The following CDC42 variants were observed in gnomAD, a reference collection of about 807,000 sequenced individuals.
CDC42 encodes cell division cycle 42.
CDC42 carries 1 observed loss-of-function variant against 20.8 expected under a neutral mutation model. The observed-to-expected ratio is 0.05, with a 90% confidence interval of 0.02 to 0.23. The LOEUF is 0.23. Ranked by LOEUF, CDC42 falls within the 10% of genes least tolerant of loss-of-function variation. The pLI, the probability that CDC42 is intolerant of heterozygous loss-of-function variation, is 1.00. For missense variants in CDC42, 49 were observed against 227.9 expected (o/e 0.21, Z 5.05); for synonymous variants, 72 against 84.8 (o/e 0.85, Z 0.83).
rs1645752297 is a variant in CDC42, at chr1:22,095,569, A to G, written c.*4052A>G. 6.6e-6 allele frequency among the ~76,000 whole-genome samples: 1 copy of G among 152,212 alleles called. No individual in the cohort carries two copies. Among genetic ancestry groups the G allele is most frequent in the Non-Finnish European group, 1.5e-5 (1 of 68,034 alleles). ...CAGGCGTGAGCCACCGCGCCTGGCC[A>G]GAATGAATACTTTTAATTACTACTA... On this transcript the variant is annotated 3_prime_UTR_variant, in exon 6 of 6. Coordinates refer to ENST00000656825, the MANE Select transcript of CDC42 (RefSeq NM_001791.4).
intron 5 of CDC42, among the ~76,000 whole-genome samples, chr1:22,087,538 A>G (rs1288524730): frequency 2.0e-5 from 3 of 152,168 alleles, no homozygotes; most frequent in Non-Finnish European, 2.9e-5. Context: ...ACTGATGTGT[A>G]TGGTTTAAAC....
At position 22,077,197 on chromosome 1, in the gene CDC42, C is replaced by T. The variant is rs551832021; in HGVS notation, c.-50-1232C>T. 2.1e-4 allele frequency among the ~76,000 whole-genome samples: 32 copies of T among 151,932 alleles called. 1 individual carries two copies. In the South Asian group the frequency reaches 6.7e-3, roughly 32 times the overall value. On this transcript the variant is annotated intron_variant, in intron 1 of 5. Transcript: ENST00000656825. Reference sequence around the variant, plus strand: ...TACTGCAGATAATTTTGATGAGGAGCGGGAGAGTGTATATTTCATGTGAGT... The same window carrying T: ...TACTGCAGATAATTTTGATGAGGAGTGGGAGAGTGTATATTTCATGTGAGT...
At chr1:22,055,635 C>T (rs1399395617) in intron 1 of CDC42, among the ~76,000 whole-genome samples, 1 of 151,890 alleles carries the variant, frequency 6.6e-6, no homozygotes, top group Admixed American at 6.6e-5. Flanking sequence ...GACTACGGTG[C>T]ATGCAACCAG....
intron 1 of CDC42, among the ~76,000 whole-genome samples, chr1:22,067,959 G>A (rs1364722808): frequency 6.6e-6 from 1 of 152,072 alleles, no homozygotes; most frequent in Non-Finnish European, 1.5e-5. Flanking sequence ...TGAGTTGTAA[G>A]GCCAGACACC....
chr1:22,098,370 C>A lies in CDC42; in HGVS notation c.*6853C>A, dbSNP rs1169095183. 6.6e-6 allele frequency among the ~76,000 whole-genome samples: 1 copy of A among 152,086 alleles called. No homozygotes were observed. The highest frequency in any genetic ancestry group is 6.5e-5 in the Admixed American group (1 of 15,274). On this transcript the variant is annotated 3_prime_UTR_variant, in exon 6 of 6. Transcript: ENST00000656825. The stretch of plus-strand genomic sequence containing the variant: ...AAAAAATACTCCTGAGATTCTGAAT[C>A]TGTAAGTATGCAATGGGACCTGAGA...
In CDC42 at chr1:22,090,766, C is replaced by T. The variant is rs1049838723; in HGVS notation, c.487-662C>T. ...GAGGGAAATATACAATTGTGGTTAC[C>T]TTCAAATTTTGAAATTAAAAATATA... On this transcript the variant is annotated intron_variant, in intron 5 of 5. Transcript: ENST00000656825. 25 of 984,912 alleles carry T rather than the reference C, an allele frequency of 2.5e-5. No individual in the cohort carries two copies. In the African/African-American group the frequency reaches 4.2e-4, roughly 17 times the overall value. 61.0% of individuals were successfully genotyped at this position (984,912 alleles called of 1,614,324 possible). A position where few individuals can be genotyped will look rare whatever the true frequency, so the allele number is the denominator to read the frequency against.
chr1:22,088,574 TC>T (rs1645685544), intron 5 of CDC42, among the ~76,000 whole-genome samples: 1 of 152,218 alleles, frequency 6.6e-6, no homozygotes, highest in Admixed American at 6.5e-5. Flanking sequence ...GTTTGTTGAT[TC>T]CTCTAAAACT....
intron 1 of CDC42, among the ~76,000 whole-genome samples, chr1:22,056,951 C>G (rs1645310221): frequency 6.6e-6 from 1 of 152,204 alleles, no homozygotes; most frequent in Non-Finnish European, 1.5e-5. Flanking sequence ...TTTAACCTTG[C>G]ATCCTTTTCT....
At chr1:22,091,299 G>T in intron 5 of CDC42, 129 bp from the exon 6 acceptor site, 1 of 613,380 alleles carries the variant, frequency 1.6e-6, no homozygotes, top group East Asian at 2.8e-5. Flanking sequence ...TTATTGTGTT[G>T]AGATTCAGGG....
At position 22,094,662 on chromosome 1, in the gene CDC42, TTC is replaced by T. The variant is rs1396435787; in HGVS notation, c.*3147_*3148del. Among the ~76,000 whole-genome samples the T allele has an allele frequency of 1.3e-5, 2 of 152,150 alleles. No homozygotes were observed. The highest frequency in any genetic ancestry group is 2.4e-5 in the African/African-American group (1 of 41,436). ...GACTTTATGCCACAAGGGGAGTGTA[TTC>T]TAAAGGGGAAGAAAAGGATTGTGGT... On this transcript the variant is annotated 3_prime_UTR_variant, in exon 6 of 6. Transcript: ENST00000656825.
chr1:22,066,228 G>A (rs991015530), intron 1 of CDC42, among the ~76,000 whole-genome samples: 1 of 152,104 alleles, frequency 6.6e-6, no homozygotes, highest in Non-Finnish European at 1.5e-5. Context: ...AGAGGGGCTG[G>A]GTGAGGTGAG....
intron 1 of CDC42, among the ~76,000 whole-genome samples, chr1:22,059,870 T>C (rs1328360764): frequency 7.6e-6 from 1 of 130,828 alleles, no homozygotes; most frequent in Non-Finnish European, 1.6e-5. Context: ...CCAGATTGAA[T>C]TTATTTCTCT....
chr1:22,054,200 TA>T (rs1464416653), intron 1 of CDC42, among the ~76,000 whole-genome samples: 13 of 152,136 alleles, frequency 8.5e-5, no homozygotes, highest in African/African-American at 3.1e-4. Context: ...TCACAATTTT[TA>T]TTTTTTTTGA....
At chr1:22,087,000 G>A (rs1214303019) in intron 5 of CDC42, 134 bp downstream of exon 5, 3 of 716,584 alleles carry the variant, frequency 4.2e-6, no homozygotes, top group Non-Finnish European at 7.2e-6. Context: ...GCTTCATATT[G>A]TATGTTCTTT....
At chr1:22,080,382 T>C (rs1421820493) in intron 2 of CDC42, among the ~76,000 whole-genome samples, 1 of 152,210 alleles carries the variant, frequency 6.6e-6, no homozygotes, top group Non-Finnish European at 1.5e-5. Context: ...ATTTCTTTGT[T>C]CCTGTTTTTA....
chr1:22,084,675 A>C (rs566931595), intron 3 of CDC42, among the ~76,000 whole-genome samples: 1 of 152,122 alleles, frequency 6.6e-6, no homozygotes, highest in Non-Finnish European at 1.5e-5. Context: ...AGCTTCATGA[A>C]GTTTGTCTAT....
intron 1 of CDC42, among the ~76,000 whole-genome samples, chr1:22,069,996 T>C (rs1056151193): frequency 5.9e-5 from 9 of 152,058 alleles, no homozygotes; most frequent in Non-Finnish European, 7.4e-5. Context: ...CCACGTTGCC[T>C]AGGTTGTTCT....
At chr1:22,084,335 G>GTTTTTTTCTTTT (rs1645637948) in intron 3 of CDC42, among the ~76,000 whole-genome samples, 1 of 80,690 alleles carries the variant, frequency 1.2e-5, no homozygotes, top group Non-Finnish European at 2.3e-5. Flanking sequence ...CTTATTTCCT[G>GTTTTTTTCTTTT]TTTTTTTTTT....
chr1:22,077,311 A>G (rs190790007), intron 1 of CDC42, among the ~76,000 whole-genome samples: 86 of 152,304 alleles, frequency 5.6e-4, no homozygotes, highest in African/African-American at 2.0e-3. Flanking sequence ...AGAAGTGCTC[A>G]GTGCTAGAAG....
Sources: allele counts gnomAD v4.1 joint callset (sites outside exome capture counted in the v4.1 genomes callset), GRCh38; gene constraint gnomAD v4.1.1; transcripts MANE v1.5; gene names NCBI Gene and HGNC (gene_info 2026-07-23, HGNC 2026-07-21).